Variants in SPI1 observed in about 807,000 individuals in gnomAD.
The protein encoded by SPI1 is transcription factor PU.1.
In SPI1, 3 loss-of-function variants were observed where a neutral mutation model predicts 30.7. That is an observed-to-expected ratio of 0.10 (90% CI 0.04 to 0.25). SPI1 has a LOEUF of 0.25. SPI1 is among the 10% of genes least tolerant of loss of function. The pLI, the probability that SPI1 is intolerant of heterozygous loss-of-function variation, is 1.00. For synonymous variants in SPI1, 169 were observed against 157.1 expected, an observed-to-expected ratio of 1.08 and a Z score of -0.56; for missense variants, 261 against 371.5, an observed-to-expected ratio of 0.70 and a Z score of 2.45.
chr11:47,360,186 C>T (rs2095918660), intron 2 of SPI1, 146 bp from the exon 3 acceptor site: 2 of 711,166 alleles, frequency 2.8e-6, no homozygotes, highest in Non-Finnish European at 2.2e-6. Flanking sequence ...TACTCTAGGC[C>T]TGCATTTTAT....
intron 2 of SPI1, among the ~76,000 whole-genome samples, chr11:47,371,001 G>T (rs1385414799): frequency 6.6e-6 from 1 of 152,036 alleles, no homozygotes; most frequent in South Asian, 2.1e-4. Context: ...ATAAATATTT[G>T]CCAATAAATA....
chr11:47,368,290 G>A (rs893619011), intron 2 of SPI1, among the ~76,000 whole-genome samples: 3 of 152,134 alleles, frequency 2.0e-5, no homozygotes, highest in African/African-American at 7.2e-5. Context: ...ACTTGAACCT[G>A]GGAGGCGGAG....
At chr11:47,365,278 TATA>T (rs1194011604) in intron 2 of SPI1, among the ~76,000 whole-genome samples, 6 of 152,160 alleles carry the variant, frequency 3.9e-5, no homozygotes. Context: ...CTCGAAAGAA[TATA>T]ATGTCATTTG....
rs1320486508 is a variant in SPI1, at chr11:47,374,831, GCAGA to G, written c.142+798_142+801del. 2.0e-5 allele frequency among the ~76,000 whole-genome samples: 3 copies of G among 152,250 alleles called. No individual in the cohort carries two copies. Among genetic ancestry groups the G allele is most frequent in the Admixed American group, 1.3e-4 (2 of 15,286 alleles). On this transcript the variant is annotated intron_variant, in intron 2 of 4. Coordinates refer to ENST00000378538, the MANE Select transcript of SPI1 (RefSeq NM_003120.3). The surrounding 1 kb of genome is among the most constrained non-coding windows in gnomAD (Gnocchi z 4.5). ...TCCAGGACGGAGGCTGGGCTATGGGGCAGACAGTCAGACCCAGAAGGACTGGACA... is the reference window on the plus strand; with the variant it reads ...TCCAGGACGGAGGCTGGGCTATGGGGCAGTCAGACCCAGAAGGACTGGACA...
At chr11:47,361,069 C>T (rs1244251178) in intron 2 of SPI1, among the ~76,000 whole-genome samples, 2 of 151,766 alleles carry the variant, frequency 1.3e-5, no homozygotes, top group African/African-American at 2.4e-5. Flanking sequence ...TGCAGTGAGC[C>T]GAGATTGCGC....
At chr11:47,363,325 A>G (rs570197107) in intron 2 of SPI1, among the ~76,000 whole-genome samples, 80 of 152,356 alleles carry the variant, frequency 5.3e-4, no homozygotes, top group Non-Finnish European at 8.2e-4. Context: ...GTCCGAGATC[A>G]ACCTGGCCAA....
intron 4 of SPI1, among the ~76,000 whole-genome samples, chr11:47,356,579 C>T (rs758634265): frequency 7.2e-5 from 11 of 151,822 alleles, no homozygotes; most frequent in African/African-American, 1.5e-4. Flanking sequence ...TGCTCATACA[C>T]CTCACACCAG....
chr11:47,358,841 C>G lies in SPI1; in HGVS notation c.493+3G>C. 1 of 1,548,230 alleles carries G rather than the reference C, an allele frequency of 6.5e-7. No homozygotes were observed. Among genetic ancestry groups the G allele is most frequent in the Non-Finnish European group, 8.7e-7 (1 of 1,145,436 alleles). On this transcript the variant is annotated splice_donor_region_variant and intron_variant, in intron 4 of 4. Transcript: ENST00000378538. ...GGCCAGGGTGGAGGGCCAGGTGCCC[C>G]ACCTGTCTCCCCAGGCAGGAGCCCA...
At chr11:47,366,066 A>G (rs2095927717) in intron 2 of SPI1, among the ~76,000 whole-genome samples, 1 of 152,078 alleles carries the variant, frequency 6.6e-6, no homozygotes, top group Non-Finnish European at 1.5e-5. Context: ...GTCATTCTTC[A>G]TCCACCCTAC....
intron 2 of SPI1, among the ~76,000 whole-genome samples, chr11:47,361,542 C>T (rs942407432): frequency 2.4e-4 from 37 of 152,324 alleles, no homozygotes; most frequent in Non-Finnish European, 5.0e-4. Context: ...ATCTGCGGGA[C>T]TTCCTGGGCG....
At position 47,359,060 on chromosome 11, in the gene SPI1, G is replaced by C. The variant is rs1046606006; in HGVS notation, c.331-54C>G. 1.2e-5 allele frequency: 18 copies of C among 1,486,818 alleles called. No homozygotes were observed. Among genetic ancestry groups the C allele is most frequent in the African/African-American group, 1.4e-5 (1 of 71,482 alleles). 92.1% of individuals were successfully genotyped at this position (1,486,818 alleles called of 1,614,324 possible). On this transcript the variant is annotated intron_variant, in intron 3 of 4. Transcript: ENST00000378538. This position sits in a 1 kb window ranked among gnomAD's most constrained non-coding sequence, Gnocchi z 5.1. The stretch of plus-strand genomic sequence containing the variant: ...CAGGAAGGGCCAGCTTACAGCTCAG[G>C]GGGGCTGGGAGGGAGGTCAGCTGGG...
At chr11:47,360,782 G>A (rs1424099900) in intron 2 of SPI1, among the ~76,000 whole-genome samples, 1 of 149,404 alleles carries the variant, frequency 6.7e-6, no homozygotes, top group Non-Finnish European at 1.5e-5. Context: ...CCGAGATTGC[G>A]CCACTGCACT....
chr11:47,364,403 T>A (rs1242729706), intron 2 of SPI1, among the ~76,000 whole-genome samples: 1 of 151,950 alleles, frequency 6.6e-6, no homozygotes, highest in Admixed American at 6.6e-5. Context: ...TGTAGGAGAG[T>A]TTGCTCTGCT....
intron 4 of SPI1, chr11:47,358,284 TCACA>T (rs1246127819): frequency 4.2e-6 from 2 of 476,240 alleles, no homozygotes; most frequent in African/African-American, 3.9e-5. Context: ...ACACCCCCAC[TCACA>T]CATATCACTC....
intron 2 of SPI1, among the ~76,000 whole-genome samples, chr11:47,361,154 A>T (rs1565639169): frequency 6.6e-6 from 1 of 151,992 alleles, no homozygotes; most frequent in Non-Finnish European, 1.5e-5. Flanking sequence ...AAAAGAAAAA[A>T]ACCTCCCACG....
chr11:47,363,649 A>G (rs1481459998), intron 2 of SPI1, among the ~76,000 whole-genome samples: 1 of 152,062 alleles, frequency 6.6e-6, no homozygotes, highest in East Asian at 1.9e-4. Context: ...CACCGAGCCC[A>G]GCTGAATCCT....
chr11:47,375,502 T>C lies in SPI1; in HGVS notation c.142+131A>G, dbSNP rs2095941053. The C allele has an allele frequency of 1.3e-6, 1 of 753,064 alleles. No individual in the cohort carries two copies. The highest frequency in any genetic ancestry group is 1.7e-5 in the African/African-American group (1 of 57,846). 46.6% of individuals were successfully genotyped at this position (753,064 alleles called of 1,614,324 possible). A position where few individuals can be genotyped will look rare whatever the true frequency, so the allele number is the denominator to read the frequency against. ...GCGATGATGCTGCAGTTCACTGCCT[T>C]TGAGAGCAAACTTGATCTGATTCTC... On this transcript the variant is annotated intron_variant, in intron 2 of 4. Coordinates refer to ENST00000378538, the MANE Select transcript of SPI1 (RefSeq NM_003120.3). The surrounding 1 kb of genome is among the most constrained non-coding windows in gnomAD (Gnocchi z 4.2).
chr11:47,359,820 C>A lies in SPI1; in HGVS notation c.330+33G>T. 1 of 1,597,922 alleles carries A rather than the reference C, an allele frequency of 6.3e-7. No individual in the cohort carries two copies. The highest frequency in any genetic ancestry group is 1.1e-5 in the South Asian group (1 of 90,930). ...CGGGCCCCACCACAGGCCTGGCAGTCTCCTGGGGGACGGGGCAGGCGGTGG... is the reference window on the plus strand; with the variant it reads ...CGGGCCCCACCACAGGCCTGGCAGTATCCTGGGGGACGGGGCAGGCGGTGG... On this transcript the variant is annotated intron_variant, in intron 3 of 4. Coordinates refer to ENST00000378538, the MANE Select transcript of SPI1 (RefSeq NM_003120.3). This position sits in a 1 kb window ranked among gnomAD's most constrained non-coding sequence, Gnocchi z 5.1.
intron 1 of SPI1, among the ~76,000 whole-genome samples, chr11:47,376,759 C>T (rs569473829): frequency 2.0e-5 from 3 of 152,182 alleles, no homozygotes; most frequent in Non-Finnish European, 4.4e-5. Flanking sequence ...GCCCCCGCAG[C>T]GTGTGGCCCA....
Sources: allele counts gnomAD v4.1 joint callset (sites outside exome capture counted in the v4.1 genomes callset), GRCh38; gene constraint gnomAD v4.1.1; non-coding constraint Gnocchi (gnomAD v3.1); transcripts MANE v1.5; gene names NCBI Gene and HGNC (gene_info 2026-07-23, HGNC 2026-07-21).